Variants in BLM observed in about 807,000 individuals in gnomAD.
BLM encodes BLM RecQ like helicase, also known as recQ-like DNA helicase BLM.
In BLM, 95 loss-of-function variants were observed where a neutral mutation model predicts 135.3. That is an observed-to-expected ratio of 0.70 (90% CI 0.59 to 0.83). The LOEUF is 0.83. Among genes scored for constraint, BLM ranks in the 40% least tolerant of loss-of-function variants. BLM has a pLI of 0.00. For missense variants in BLM, 1,518 were observed against 1,663.9 expected (o/e 0.91, Z 1.53); for synonymous variants, 520 against 589.2 (o/e 0.88, Z 1.70).
At chr15:90,784,661 G>A (rs1473539611) in intron 13 of BLM, among the ~76,000 whole-genome samples, 2 of 151,470 alleles carry the variant, frequency 1.3e-5, no homozygotes, top group Non-Finnish European at 2.9e-5. Flanking sequence ...ATACCCACAT[G>A]TATCTAGTGT....
intron 8 of BLM, among the ~76,000 whole-genome samples, chr15:90,763,697 A>G (rs1242348995): frequency 6.6e-6 from 1 of 152,212 alleles, no homozygotes; most frequent in Non-Finnish European, 1.5e-5. Context: ...TGGTTCACAG[A>G]GTGGCATGAG....
chr15:90,761,191 C>A lies in BLM; in HGVS notation c.1818C>A (p.Asp606Glu). Residue 606 changes from aspartate to glutamate, a missense_variant, in exon 7 of 22, where the codon GAC (aspartate) becomes GAA (glutamate). By Grantham distance (45) the Asp-to-Glu change is conservative. Around this residue, in one of 5 missense-constraint regions of BLM, gnomAD observed 724 missense variants for 756.9 expected, o/e 0.96. Coordinates refer to ENST00000355112, the MANE Select transcript of BLM (RefSeq NM_000057.4). ...VSERLSSAKT[D>E]CLPVSSTAQN... ...AAAGACTTTCCTCAGCCAAGACAGA[C>A]TGTCTTCCAGTGTCATCTACTGCTC... is the stretch of plus-strand genomic sequence containing the variant. 6.5e-7 allele frequency: 1 copy of A among 1,531,926 alleles called. No homozygotes were observed. The highest frequency in any genetic ancestry group is 8.7e-7 in the Non-Finnish European group (1 of 1,144,384). 94.9% of individuals were successfully genotyped at this position (1,531,926 alleles called of 1,614,324 possible). A position where few individuals can be genotyped will look rare whatever the true frequency, so the allele number is the denominator to read the frequency against.
At chr15:90,760,107 TC>T in intron 5 of BLM, 39 bp from the exon 6 acceptor site, 2 of 1,572,834 alleles carry the variant, frequency 1.3e-6, no homozygotes, top group African/African-American at 1.4e-5. Context: ...TTTTTTTTTT[TC>T]CCTCAAAGAA....
chr15:90,756,793 G>T (rs1895831496), intron 5 of BLM, among the ~76,000 whole-genome samples: 1 of 152,178 alleles, frequency 6.6e-6, no homozygotes, highest in Admixed American at 6.5e-5. Context: ...GAGGTGTGAG[G>T]CAGCAAGAAG....
chr15:90,782,526 G>GA (rs1279866428), intron 12 of BLM, among the ~76,000 whole-genome samples: 1 of 152,202 alleles, frequency 6.6e-6, no homozygotes, highest in Non-Finnish European at 1.5e-5. Context: ...CCAAGATCAA[G>GA]ATGCTGGCAG....
rs761106964 is a variant in BLM, at chr15:90,766,993, C to T, written c.2277C>T (p.Ile759=). 11 of 1,589,004 alleles carry T rather than the reference C, an allele frequency of 6.9e-6. No individual in the cohort carries two copies. In the Admixed American group the frequency reaches 1.3e-4, roughly 19 times the overall value. The stretch of plus-strand genomic sequence containing the variant: ...TCCAGTTATCAAAAAAAGACCCAAT[C>T]ATAAAACTTCTATATGTCACTCCAG... ...IYLQLSKKDP[I]IKLLYVTPEK... The change falls in exon 10 of 22, where the codon ATC becomes ATT. Residue 759 remains isoleucine (I), a synonymous_variant. Transcript: ENST00000355112.
chr15:90,811,540 A>G (rs552116365), intron 21 of BLM, 134 bp downstream of exon 21: 4 of 1,008,926 alleles, frequency 4.0e-6, no homozygotes, highest in Admixed American at 4.5e-5. Context: ...GACAGTTGTT[A>G]ATGGAGTGAC....
chr15:90,748,766 T>G (rs1224728811), intron 2 of BLM, among the ~76,000 whole-genome samples: 2 of 147,996 alleles, frequency 1.4e-5, no homozygotes, highest in Non-Finnish European at 3.0e-5. Flanking sequence ...TCTTTTTTCT[T>G]TTTTTTTTTT....
chr15:90,770,294 C>A (rs1216495850), intron 12 of BLM, among the ~76,000 whole-genome samples: 1 of 151,618 alleles, frequency 6.6e-6, no homozygotes, highest in Non-Finnish European at 1.5e-5. Context: ...CCCACCTTAG[C>A]CTCCCGAGTA....
chr15:90,725,401 G>A (rs998588570), intron 1 of BLM, among the ~76,000 whole-genome samples: 1 of 151,838 alleles, frequency 6.6e-6, no homozygotes, highest in Non-Finnish European at 1.5e-5. Context: ...GTATATTCAT[G>A]TATAGTAGTA....
At chr15:90,744,289 T>C (rs1895442996) in intron 1 of BLM, among the ~76,000 whole-genome samples, 1 of 152,210 alleles carries the variant, frequency 6.6e-6, no homozygotes, top group South Asian at 2.1e-4. Flanking sequence ...TCACTTCGTA[T>C]TTATTCATGT....
At chr15:90,734,058 C>G (rs1895136486) in intron 1 of BLM, among the ~76,000 whole-genome samples, 2 of 151,930 alleles carry the variant, frequency 1.3e-5, no homozygotes, top group African/African-American at 2.4e-5. Flanking sequence ...TAAAATACTA[C>G]CAAACAGAAC....
At chr15:90,733,523 C>T (rs1895120834) in intron 1 of BLM, among the ~76,000 whole-genome samples, 1 of 152,148 alleles carries the variant, frequency 6.6e-6, no homozygotes. Flanking sequence ...CTTCCAAATT[C>T]TTTATTTTCC....
At chr15:90,803,790 AGT>A (rs1361025313) in intron 18 of BLM, 70 bp downstream of exon 18, 1 of 1,463,476 alleles carries the variant, frequency 6.8e-7, no homozygotes, top group Non-Finnish European at 9.6e-7. Flanking sequence ...TGTGAAGTAT[AGT>A]GTCTTTGTCC....
chr15:90,751,777 T>A lies in BLM; in HGVS notation c.800-10T>A. The A allele has an allele frequency of 6.2e-7, 1 of 1,605,632 alleles. No homozygotes were observed. Among genetic ancestry groups the A allele is most frequent in the Non-Finnish European group, 8.5e-7 (1 of 1,172,698 alleles). On this transcript the variant is annotated splice_polypyrimidine_tract_variant and intron_variant, in intron 3 of 21. Transcript: ENST00000355112. The stretch of plus-strand genomic sequence containing the variant: ...TAACAAATCTATGTTTATCAACTGT[T>A]TTACTGTAGATAATAGCGAAAAGAA...
Position 90,769,196 on chromosome 15 carries a change from C to T in BLM, c.2371C>T (p.Arg791Cys), listed in dbSNP as rs55880859. The T allele has an allele frequency of 8.7e-5, 140 of 1,613,678 alleles. No individual in the cohort carries two copies. In the East Asian group the frequency reaches 2.2e-3, roughly 25 times the overall value. ...TCTCTATGAGAGGAAGCTCTTGGCACGTTTTGTTATTGATGAAGCACATTG... is the reference window on the plus strand; with the variant it reads ...TCTCTATGAGAGGAAGCTCTTGGCATGTTTTGTTATTGATGAAGCACATTG... Reference protein sequence around the residue: ...ENLYERKLLARFVIDEAHCVS... With the variant: ...ENLYERKLLACFVIDEAHCVS... Residue 791 changes from arginine to cysteine, a missense_variant, in exon 11 of 22, where the codon CGT becomes TGT. Arg to Cys is a radical substitution (Grantham distance 180, BLOSUM62 -3). This residue lies in a region of BLM where 626 missense variants were observed against 681.1 expected (regional missense o/e 0.92). Coordinates refer to ENST00000355112, the MANE Select transcript of BLM (RefSeq NM_000057.4).
intron 5 of BLM, 108 bp downstream of exon 5, chr15:90,755,046 A>G (rs1895782795): frequency 7.3e-7 from 1 of 1,366,232 alleles, no homozygotes; most frequent in East Asian, 2.4e-5. Context: ...ATAAAATGGC[A>G]GATTTGTAGT....
intron 1 of BLM, among the ~76,000 whole-genome samples, chr15:90,734,159 T>C (rs1895139485): frequency 6.6e-6 from 1 of 152,194 alleles, no homozygotes; most frequent in African/African-American, 2.4e-5. Flanking sequence ...ATCATCAATG[T>C]AATTCACCAT....
chr15:90,772,447 G>A (rs1276732452), intron 12 of BLM, among the ~76,000 whole-genome samples: 1 of 152,188 alleles, frequency 6.6e-6, no homozygotes, highest in Non-Finnish European at 1.5e-5. Context: ...CCTACTCAGT[G>A]TGCCAGGCAC....
Sources: gnomAD v4.1 joint callset for allele counts (sites outside exome capture counted in the v4.1 genomes callset) on GRCh38, gnomAD v4.1.1 for gene constraint, gnomAD v4.1.1 regional missense constraint, MANE v1.5 for transcripts, NCBI Gene and HGNC (gene_info 2026-07-23, HGNC 2026-07-21) for gene names.